SLC4A4: variants seen among roughly 807,000 people sequenced by gnomAD.
SLC4A4 encodes the protein electrogenic sodium bicarbonate cotransporter 1.
SLC4A4 carries 27 observed loss-of-function variants against 111.5 expected under a neutral mutation model. The ratio of observed to expected loss-of-function variants is 0.24; its 90% CI spans 0.18 to 0.33. The LOEUF is 0.33. Ranked by LOEUF, SLC4A4 falls within the 10% of genes least tolerant of loss-of-function variation. The pLI is 1.00. For missense variants in SLC4A4, 909 were observed against 1,315.5 expected (o/e 0.69, Z 4.78); for synonymous variants, 443 against 463.4 (o/e 0.96, Z 0.57).
intron 4 of SLC4A4, among the ~76,000 whole-genome samples, chr4:71,346,377 T>C (rs1729329181): frequency 1.3e-5 from 2 of 151,934 alleles, no homozygotes; most frequent in Admixed American, 6.6e-5. Flanking sequence ...AAAAAGAAAG[T>C]GGGAAACTTA....
In SLC4A4 at chr4:71,475,670, G is replaced by A. The variant is rs139806877; in HGVS notation, c.1903+2700G>A. Among the ~76,000 whole-genome samples, 13 of 152,018 alleles carry A rather than the reference G, an allele frequency of 8.6e-5. No homozygotes were observed. In the East Asian group the frequency reaches 2.3e-3, roughly 27 times the overall value. The stretch of plus-strand genomic sequence containing the variant: ...AGTCCTGGTTTGGCTCAGGCCAAAT[G>A]TGTGACTTTCAGCAAGTTCCTTTTC... On this transcript the variant is annotated intron_variant, in intron 14 of 25. Transcript: ENST00000264485.
At chr4:71,528,526 A>G (rs553023780) in intron 16 of SLC4A4, among the ~76,000 whole-genome samples, 5 of 152,240 alleles carry the variant, frequency 3.3e-5, no homozygotes, top group African/African-American at 1.2e-4. Flanking sequence ...GAAAATCAAT[A>G]TAACATTCTA....
At chr4:71,312,388 T>A (rs1014290101) in intron 3 of SLC4A4, among the ~76,000 whole-genome samples, 1 of 152,034 alleles carries the variant, frequency 6.6e-6, no homozygotes, top group Non-Finnish European at 1.5e-5. Flanking sequence ...TTACAAACAA[T>A]AGAAGAAGAG....
intron 12 of SLC4A4, among the ~76,000 whole-genome samples, chr4:71,461,703 T>A (rs556091512): frequency 3.9e-5 from 6 of 152,302 alleles, no homozygotes; most frequent in African/African-American, 1.2e-4. Flanking sequence ...GTAAAAAATA[T>A]GTTTTACTAT....
In SLC4A4 at chr4:71,248,110, G is replaced by A. The variant is rs571600841; in HGVS notation, c.74-7110G>A. ...TAGGATGGCTAAAACTGCCGATTAA[G>A]GGACAAGTTAAGAATAGGTCTGAGG... On this transcript the variant is annotated intron_variant, in intron 2 of 25. Transcript: ENST00000264485. 2.6e-5 allele frequency among the ~76,000 whole-genome samples: 4 copies of A among 152,246 alleles called. No individual in the cohort carries two copies. In the East Asian group the frequency reaches 7.7e-4, roughly 29 times the overall value.
At chr4:71,253,545 T>C (rs1721229735) in intron 2 of SLC4A4, among the ~76,000 whole-genome samples, 1 of 152,210 alleles carries the variant, frequency 6.6e-6, no homozygotes, top group African/African-American at 2.4e-5. Flanking sequence ...TTTGATTTAT[T>C]GAAGCAATTG....
intron 18 of SLC4A4, among the ~76,000 whole-genome samples, chr4:71,538,728 G>C (rs1188737097): frequency 2.0e-5 from 3 of 152,020 alleles, no homozygotes; most frequent in Non-Finnish European, 4.4e-5. Context: ...TGTCTGTTCT[G>C]CTTGGGATGG....
intron 1 of SLC4A4, among the ~76,000 whole-genome samples, chr4:71,074,845 C>T (rs1188667154): frequency 1.3e-5 from 2 of 152,210 alleles, no homozygotes; most frequent in Non-Finnish European, 2.9e-5. Flanking sequence ...GCTAAAAATA[C>T]AGCAACCAGG....
chr4:71,423,018 T>C (rs1384098616), intron 7 of SLC4A4, among the ~76,000 whole-genome samples: 1 of 152,082 alleles, frequency 6.6e-6, no homozygotes, highest in East Asian at 1.9e-4. Flanking sequence ...AAATAAAGGG[T>C]ATTCTATTAG....
chr4:71,433,700 T>A (rs1410843576), intron 7 of SLC4A4, among the ~76,000 whole-genome samples: 3 of 152,156 alleles, frequency 2.0e-5, no homozygotes, highest in Admixed American at 1.3e-4. Context: ...AGTCATGAAG[T>A]CTTTAGCTGG....
At chr4:71,075,236 G>A (rs1307964342) in intron 1 of SLC4A4, among the ~76,000 whole-genome samples, 1 of 152,150 alleles carries the variant, frequency 6.6e-6, no homozygotes, top group Non-Finnish European at 1.5e-5. Context: ...ATCTTAAAGT[G>A]GATTTCAAAG....
intron 2 of SLC4A4, among the ~76,000 whole-genome samples, chr4:71,160,221 C>A (rs1744582832): frequency 6.6e-6 from 1 of 152,140 alleles, no homozygotes; most frequent in Non-Finnish European, 1.5e-5. Context: ...AGTTACTAAT[C>A]TTACTCATGA....
intron 2 of SLC4A4, among the ~76,000 whole-genome samples, chr4:71,157,893 G>T (rs1744519632): frequency 6.6e-6 from 1 of 152,210 alleles, no homozygotes; most frequent in South Asian, 2.1e-4. Context: ...AAACTCTATA[G>T]ATCAGGGAAG....
intron 10 of SLC4A4, 90 bp downstream of exon 10, chr4:71,450,633 G>T: frequency 1.6e-6 from 2 of 1,237,968 alleles, no homozygotes; most frequent in Non-Finnish European, 1.2e-6. Context: ...TCAACCTGTT[G>T]TTCTAATATT....
chr4:71,534,213 C>A lies in SLC4A4; in HGVS notation c.2281-14C>A. On this transcript the variant is annotated splice_polypyrimidine_tract_variant and intron_variant, in intron 17 of 25. Transcript: ENST00000264485. ...CTGATAATTTTCTGAAAAATGTCAT[C>A]TGTCTTTTTCAAGCCAACAAGTCCA... 1 of 1,613,006 alleles carries A rather than the reference C, an allele frequency of 6.2e-7. No individual in the cohort carries two copies. Among genetic ancestry groups the A allele is most frequent in the African/African-American group, 1.3e-5 (1 of 74,984 alleles).
chr4:71,389,757 A>G (rs918752682), intron 6 of SLC4A4, among the ~76,000 whole-genome samples: 2 of 152,222 alleles, frequency 1.3e-5, no homozygotes, highest in Non-Finnish European at 2.9e-5. Flanking sequence ...ATACCCCATC[A>G]CTATTATTCA....
intron 2 of SLC4A4, among the ~76,000 whole-genome samples, chr4:71,177,366 T>G (rs1745128685): frequency 6.6e-6 from 1 of 152,148 alleles, no homozygotes; most frequent in Non-Finnish European, 1.5e-5. Flanking sequence ...ATGCTCCAAT[T>G]AAAAGACACA....
intron 6 of SLC4A4, among the ~76,000 whole-genome samples, chr4:71,366,316 TG>T (rs1398334090): frequency 3.0e-3 from 7 of 2,310 alleles, no homozygotes; most frequent in Non-Finnish European, 0.013. Context: ...CTGGAGATAT[TG>T]TGTGTGTGTG....
intron 12 of SLC4A4, among the ~76,000 whole-genome samples, chr4:71,461,348 C>CT (rs1726803770): frequency 6.6e-6 from 1 of 151,892 alleles, no homozygotes; most frequent in Non-Finnish European, 1.5e-5. Flanking sequence ...TCTCCTTAGC[C>CT]TTTTTTCCCC....
Sources: allele counts gnomAD v4.1 joint callset (sites outside exome capture counted in the v4.1 genomes callset), GRCh38; gene constraint gnomAD v4.1.1; transcripts MANE v1.5; gene names NCBI Gene and HGNC (gene_info 2026-07-23, HGNC 2026-07-21).